AVEN: variants seen among roughly 807,000 people sequenced by gnomAD.
AVEN encodes apoptosis and caspase activation inhibitor, also known as cell death regulator Aven.
AVEN carries 41 observed loss-of-function variants against 38.1 expected under a neutral mutation model. That is an observed-to-expected ratio of 1.08 (90% CI 0.84 to 1.40). The LOEUF (loss-of-function observed/expected upper bound fraction) is 1.40. Ranked by LOEUF, AVEN falls within the 40% of genes most tolerant of loss-of-function variation. The probability of loss-of-function intolerance (pLI) is 0.00; values close to 1 mark genes in which losing one functional copy is unlikely to be tolerated. For synonymous variants in AVEN, 206 were observed against 171.8 expected, an observed-to-expected ratio of 1.20 and a Z score of -1.56; for missense variants, 605 against 438.8, an observed-to-expected ratio of 1.38 and a Z score of -3.38.
intron 1 of AVEN, among the ~76,000 whole-genome samples, chr15:34,014,159 T>C (rs1350199864): frequency 6.6e-6 from 1 of 151,954 alleles, no homozygotes; most frequent in Non-Finnish European, 1.5e-5. Context: ...GGTCAGGAAT[T>C]TGAGACCAGC....
intron 1 of AVEN, among the ~76,000 whole-genome samples, chr15:34,037,783 T>A (rs530994517): frequency 1.2e-4 from 18 of 152,188 alleles, no homozygotes; most frequent in Non-Finnish European, 2.6e-4. Context: ...CAGCTCTGTA[T>A]TGCTGTATAC....
At chr15:33,973,548 T>A (rs567808548) in intron 2 of AVEN, among the ~76,000 whole-genome samples, 1 of 152,256 alleles carries the variant, frequency 6.6e-6, no homozygotes, top group Non-Finnish European at 1.5e-5. Context: ...CCTTGTTAGA[T>A]TCCATTGAAA....
In AVEN at chr15:33,859,490, G is replaced by T; in HGVS notation, n.2730-396C>A. On this transcript the variant is annotated intron_variant and non_coding_transcript_variant, in intron 11 of 11. Coordinates refer to the AVEN transcript ENST00000675287. ...TCGTGGCTTAGGGCTGCCACAATCT[G>T]ACCGAATCATATGAATGATCTGAGC... The T allele has an allele frequency of 2.0e-6, 3 of 1,506,082 alleles. No individual in the cohort carries two copies. In the South Asian group the frequency reaches 3.6e-5, roughly 18 times the overall value. The allele number at this position is 1,506,082 out of a possible 1,614,324, so 93.3% of individuals were successfully genotyped here.
the AVEN span, chr15:33,852,880 A>G: frequency 1.6e-6 from 1 of 629,878 alleles, no homozygotes; most frequent in Non-Finnish European, 2.8e-6. Flanking sequence ...ATGACTCAGT[A>G]GAGCCTGTGA....
At chr15:33,987,577 G>GT (rs965594203) in intron 2 of AVEN, among the ~76,000 whole-genome samples, 14 of 152,126 alleles carry the variant, frequency 9.2e-5, no homozygotes, top group Admixed American at 4.6e-4. Flanking sequence ...GCGAACAATG[G>GT]TTTTTTTCTC....
the AVEN span, chr15:33,852,133 G>C: frequency 6.6e-6 from 1 of 152,014 alleles, no homozygotes; most frequent in Non-Finnish European, 1.5e-5. Flanking sequence ...TGGAGAATAG[G>C]GAACTGTTGT....
chr15:33,917,381 C>T (rs367576556), intron 2 of AVEN, among the ~76,000 whole-genome samples: 1 of 96 alleles, frequency 0.01, no homozygotes, highest in Non-Finnish European at 0.022. Flanking sequence ...TGTGTATACA[C>T]ACACACACAC....
chr15:34,042,980 G>A (rs1938522590), upstream of AVEN, among the ~76,000 whole-genome samples: 1 of 151,838 alleles, frequency 6.6e-6, no homozygotes, highest in Admixed American at 6.6e-5. Context: ...AGGCGCGGTG[G>A]CTCACGCCTG....
chr15:33,880,816 T>C (rs905089933), intron 2 of AVEN, among the ~76,000 whole-genome samples: 1 of 152,078 alleles, frequency 6.6e-6, no homozygotes, highest in Admixed American at 6.6e-5. Flanking sequence ...ACATGAGACA[T>C]GGATTTTATA....
intron 1 of AVEN, among the ~76,000 whole-genome samples, chr15:34,022,426 G>T (rs1366523105): frequency 1.3e-5 from 2 of 152,138 alleles, no homozygotes; most frequent in African/African-American, 2.4e-5. Context: ...TAAAAGAAAG[G>T]GCAGCAAAGG....
chr15:33,953,557 A>C (rs1415178013), intron 2 of AVEN, among the ~76,000 whole-genome samples: 1 of 152,266 alleles, frequency 6.6e-6, no homozygotes, highest in Non-Finnish European at 1.5e-5. Context: ...CCTATGTAAT[A>C]AATGGTGCTG....
chr15:33,914,477 C>A (rs947266669), intron 2 of AVEN, among the ~76,000 whole-genome samples: 2 of 151,706 alleles, frequency 1.3e-5, no homozygotes, highest in African/African-American at 4.8e-5. Flanking sequence ...TAAAATTGGA[C>A]CCATTCCTCA....
At chr15:33,862,437 G>C (rs1888632132), downstream of AVEN, among the ~76,000 whole-genome samples, 1 of 151,966 alleles carries the variant, frequency 6.6e-6, no homozygotes, top group Non-Finnish European at 1.5e-5. Context: ...GAACTCCTGA[G>C]CTCAAGCTAT....
At chr15:34,070,565 C>T (rs1328058761) in intron 2 of AVEN, among the ~76,000 whole-genome samples, 1 of 152,028 alleles carries the variant, frequency 6.6e-6, no homozygotes, top group Non-Finnish European at 1.5e-5. Context: ...CCTCAGTCTA[C>T]AAAGCTATGC....
At chr15:33,875,819 A>C in intron 3 of AVEN, 106 bp downstream of exon 3, 4 of 1,115,386 alleles carry the variant, frequency 3.6e-6, no homozygotes, top group Admixed American at 2.3e-5. Context: ...CACTGTAAGA[A>C]TTACTACTCT....
Position 34,063,965 on chromosome 15 carries a change from A to G in AVEN, n.1127-533T>C. 5 of 1,614,182 alleles carry G rather than the reference A, an allele frequency of 3.1e-6. No homozygotes were observed. The highest frequency in any genetic ancestry group is 4.2e-6 in the Non-Finnish European group (5 of 1,180,032). ...CAGTGGCCAAGGAACCTTCAACGAA[A>G]GGCCTCAATCCCAACCCCAGCCATC... On this transcript the variant is annotated intron_variant and non_coding_transcript_variant, in intron 4 of 11. Transcript: ENST00000675287. The surrounding 1 kb of genome is among the most constrained non-coding windows in gnomAD (Gnocchi z 4.1).
At chr15:33,899,285 CTG>C (rs1892380440) in intron 2 of AVEN, among the ~76,000 whole-genome samples, 3 of 152,046 alleles carry the variant, frequency 2.0e-5, no homozygotes, top group Non-Finnish European at 4.4e-5. Flanking sequence ...GATGCTCAAA[CTG>C]AATTTTCTTC....
At chr15:34,009,302 TCAAATCCACATGAAAAAAA>T (rs1157685751) in intron 1 of AVEN, among the ~76,000 whole-genome samples, 2 of 152,164 alleles carry the variant, frequency 1.3e-5, no homozygotes, top group African/African-American at 4.8e-5. Context: ...AAACAGCAAT[TCAAATCCACATGAAAAAAA>T]CAAATCCACA....
chr15:33,897,546 A>G (rs536388439), intron 2 of AVEN, among the ~76,000 whole-genome samples: 1 of 152,200 alleles, frequency 6.6e-6, no homozygotes, highest in Non-Finnish European at 1.5e-5. Context: ...CTAGGATTAC[A>G]GGCATAAGCC....
Sources: gnomAD v4.1 joint callset for allele counts (sites outside exome capture counted in the v4.1 genomes callset) on GRCh38, gnomAD v4.1.1 for gene constraint, Gnocchi (gnomAD v3.1) non-coding constraint, MANE v1.5 for transcripts, NCBI Gene and HGNC (gene_info 2026-07-23, HGNC 2026-07-21) for gene names.